Variants in KCNIP4 observed in about 807,000 individuals in gnomAD.
KCNIP4 encodes the protein Kv channel-interacting protein 4.
Under a neutral mutation model 34.0 loss-of-function variants are expected in KCNIP4, and 12 were observed. That is an observed-to-expected ratio of 0.35 (90% CI 0.23 to 0.57). The LOEUF (loss-of-function observed/expected upper bound fraction) is 0.57, where lower values mean the gene tolerates loss of function less well. Ranked by LOEUF, KCNIP4 falls within the 20% of genes least tolerant of loss-of-function variation. The probability of loss-of-function intolerance (pLI) is 0.83; values close to 1 mark genes in which losing one functional copy is unlikely to be tolerated. For missense variants in KCNIP4, 238 were observed against 311.7 expected, an observed-to-expected ratio of 0.76 and a Z score of 1.78; for synonymous variants, 124 against 102.2, an observed-to-expected ratio of 1.21 and a Z score of -1.29.
At chr4:21,456,302 G>A (rs1043344167) in intron 1 of KCNIP4, among the ~76,000 whole-genome samples, 1 of 147,406 alleles carries the variant, frequency 6.8e-6, no homozygotes, top group Admixed American at 6.6e-5. Context: ...CTTTGAAGTC[G>A]GATCAAGATT....
chr4:21,215,977 G>T (rs1757548625), intron 1 of KCNIP4, among the ~76,000 whole-genome samples: 2 of 152,066 alleles, frequency 1.3e-5, no homozygotes, highest in South Asian at 4.1e-4. Flanking sequence ...CTTTTTTAGA[G>T]ATGGGGTCTT....
intron 1 of KCNIP4, among the ~76,000 whole-genome samples, chr4:21,298,663 T>C (rs986279208): frequency 2.0e-5 from 3 of 152,118 alleles, no homozygotes; most frequent in Non-Finnish European, 4.4e-5. Context: ...CCAACTAAAG[T>C]GTGCGCTTGA....
At chr4:21,124,520 T>C (rs1560744189) in intron 1 of KCNIP4, among the ~76,000 whole-genome samples, 1 of 152,226 alleles carries the variant, frequency 6.6e-6, no homozygotes, top group Non-Finnish European at 1.5e-5. Flanking sequence ...TTCCTTGCTC[T>C]GTCTGCCCTC....
intron 1 of KCNIP4, among the ~76,000 whole-genome samples, chr4:20,892,882 T>A (rs994671817): frequency 1.3e-5 from 2 of 152,204 alleles, no homozygotes; most frequent in African/African-American, 4.8e-5. Context: ...GATTGACCAA[T>A]TGAACCTCAA....
rs140074582 is a variant in KCNIP4, at chr4:21,567,427, C to G, written c.61+381144G>C. Among the ~76,000 whole-genome samples the G allele has an allele frequency of 1.1e-4, 16 of 152,132 alleles. No individual in the cohort carries two copies. In the East Asian group the frequency reaches 3.1e-3, roughly 29 times the overall value. The stretch of plus-strand genomic sequence containing the variant: ...TTGTCCTCCCTGCCACCCCCTCTTT[C>G]TTGCTTCTTGGATGAATTTGTAAAG... On this transcript the variant is annotated intron_variant, in intron 1 of 8. Transcript: ENST00000382152.
At position 20,999,640 on chromosome 4, in the gene KCNIP4, A is replaced by G. The variant is rs369343240; in HGVS notation, c.62-116931T>C. Among the ~76,000 whole-genome samples the G allele has an allele frequency of 2.6e-5, 4 of 152,086 alleles. No individual in the cohort carries two copies. In the South Asian group the frequency reaches 8.3e-4, roughly 32 times the overall value. On this transcript the variant is annotated intron_variant, in intron 1 of 8. Transcript: ENST00000382152. ...GGCTGTTTCAGAAATTCAGGGACAGATGATTTAGGAATGTGGCAAACTGAC... is the reference window on the plus strand; with the variant it reads ...GGCTGTTTCAGAAATTCAGGGACAGGTGATTTAGGAATGTGGCAAACTGAC...
intron 1 of KCNIP4, among the ~76,000 whole-genome samples, chr4:21,720,366 G>C (rs1714722256): frequency 6.6e-6 from 1 of 152,030 alleles, no homozygotes; most frequent in Non-Finnish European, 1.5e-5. Flanking sequence ...GAGCCTCAGA[G>C]CAAATAGATG....
chr4:20,920,750 G>A (rs1275113539), intron 1 of KCNIP4, among the ~76,000 whole-genome samples: 2 of 152,164 alleles, frequency 1.3e-5, no homozygotes, highest in African/African-American at 4.8e-5. Context: ...CCAGCACTTT[G>A]GGAGGCCGAG....
intron 4 of KCNIP4, among the ~76,000 whole-genome samples, chr4:20,756,039 CG>C (rs1560440869): frequency 6.6e-6 from 1 of 152,048 alleles, no homozygotes; most frequent in African/African-American, 2.4e-5. Context: ...TGCATTTTAA[CG>C]GGATCACTCT....
chr4:21,023,318 T>C (rs1198787188), intron 1 of KCNIP4, among the ~76,000 whole-genome samples: 1 of 152,076 alleles, frequency 6.6e-6, no homozygotes, highest in Non-Finnish European at 1.5e-5. Flanking sequence ...AAGAACCATC[T>C]GGAAATGCTT....
intron 1 of KCNIP4, among the ~76,000 whole-genome samples, chr4:21,177,241 T>C (rs934177438): frequency 9.9e-5 from 15 of 152,178 alleles, no homozygotes; most frequent in African/African-American, 3.4e-4. Flanking sequence ...AGATTTGCTA[T>C]ATACTCAAGC....
At chr4:21,743,826 T>G (rs1451218279) in intron 1 of KCNIP4, among the ~76,000 whole-genome samples, 1 of 148,738 alleles carries the variant, frequency 6.7e-6, no homozygotes, top group African/African-American at 2.5e-5. Flanking sequence ...TCTTCTTAGC[T>G]ATAGGAGCAT....
chr4:21,740,173 G>A (rs1465177108), intron 1 of KCNIP4, among the ~76,000 whole-genome samples: 2 of 151,910 alleles, frequency 1.3e-5, no homozygotes, highest in Non-Finnish European at 2.9e-5. Flanking sequence ...TATATGTATT[G>A]ACACATGCAT....
intron 1 of KCNIP4, among the ~76,000 whole-genome samples, chr4:20,962,464 C>T (rs1733940516): frequency 6.6e-6 from 1 of 152,086 alleles, no homozygotes; most frequent in Non-Finnish European, 1.5e-5. Context: ...CTTATTTGTA[C>T]AGAACTGAGT....
At chr4:21,359,897 T>G (rs192191291) in intron 1 of KCNIP4, among the ~76,000 whole-genome samples, 1 of 152,114 alleles carries the variant, frequency 6.6e-6, no homozygotes, top group Non-Finnish European at 1.5e-5. Context: ...AGAAATATAA[T>G]GTAGAAAATT....
At chr4:21,589,804 T>G (rs992060247) in intron 1 of KCNIP4, among the ~76,000 whole-genome samples, 5 of 151,978 alleles carry the variant, frequency 3.3e-5, no homozygotes, top group Admixed American at 1.3e-4. Context: ...TTTTTCTCCA[T>G]TGCATTGCTG....
rs1756498270 is a variant in KCNIP4 at position 20,777,749 on chromosome 4, T to C, written c.289-18859A>G. On this transcript the variant is annotated intron_variant, in intron 3 of 8. Coordinates refer to ENST00000382152, the MANE Select transcript of KCNIP4 (RefSeq NM_025221.6). ...ATTGCAGAGATGAATTAGTGTAGTTTATGAAACCATGAAGTTTGACGTTCC... is the reference window on the plus strand; with the variant it reads ...ATTGCAGAGATGAATTAGTGTAGTTCATGAAACCATGAAGTTTGACGTTCC... Among the ~76,000 whole-genome samples, 3 of 152,198 alleles carry C rather than the reference T, an allele frequency of 2.0e-5. No homozygotes were observed. In the South Asian group the frequency reaches 6.2e-4, roughly 32 times the overall value.
chr4:21,369,197 G>A (rs1243198809), intron 1 of KCNIP4, among the ~76,000 whole-genome samples: 2 of 147,254 alleles, frequency 1.4e-5, no homozygotes, highest in Non-Finnish European at 2.9e-5. Context: ...TACGTTTATA[G>A]ACTTCTAGGC....
chr4:21,874,044 G>A (rs900132868), intron 1 of KCNIP4, among the ~76,000 whole-genome samples: 2 of 152,188 alleles, frequency 1.3e-5, no homozygotes, highest in Admixed American at 6.5e-5. Flanking sequence ...CTCTTGCCAA[G>A]CTGTATTACA....
Sources: gnomAD v4.1 joint callset for allele counts (sites outside exome capture counted in the v4.1 genomes callset) on GRCh38, gnomAD v4.1.1 for gene constraint, MANE v1.5 for transcripts, NCBI Gene and HGNC (gene_info 2026-07-23, HGNC 2026-07-21) for gene names.